Variants in TPP2 observed in about 807,000 individuals in gnomAD.
TPP2 encodes the protein tripeptidyl-peptidase 2.
In TPP2, 34 loss-of-function variants were observed where a neutral mutation model predicts 155.9. The observed-to-expected ratio is 0.22, with a 90% CI of 0.17 to 0.29. The LOEUF (loss-of-function observed/expected upper bound fraction) is 0.29. Among genes scored for constraint, TPP2 ranks in the 10% least tolerant of loss-of-function variants. TPP2 has a pLI of 1.00. For missense variants in TPP2, 1,028 were observed against 1,522.3 expected, an observed-to-expected ratio of 0.68 and a Z score of 5.40; for synonymous variants, 510 against 529.4, an observed-to-expected ratio of 0.96 and a Z score of 0.50.
At chr13:102,616,565 A>G (rs981877155) in intron 4 of TPP2, 65 bp downstream of exon 4, 2 of 1,296,500 alleles carry the variant, frequency 1.5e-6, no homozygotes, top group Non-Finnish European at 2.1e-6. Flanking sequence ...GTTTCTACAG[A>G]ACTAATAGAC....
intron 27 of TPP2, chr13:102,667,720 C>G: frequency 1.0e-6 from 1 of 983,114 alleles, no homozygotes; most frequent in Non-Finnish European, 1.2e-6. Context: ...TAATTTAACC[C>G]AGGTCTGACA....
At chr13:102,629,993 G>T in intron 9 of TPP2, 103 bp from the exon 10 acceptor site, 1 of 880,464 alleles carries the variant, frequency 1.1e-6, no homozygotes, top group Non-Finnish European at 1.8e-6. Flanking sequence ...ATTAGAGAGA[G>T]GACTGGTGTT....
In TPP2 at chr13:102,616,297, T is replaced by C; in HGVS notation, c.391-99T>C. The C allele has an allele frequency of 6.3e-6, 6 of 946,268 alleles. No individual in the cohort carries two copies. In the South Asian group the frequency reaches 1.1e-4, roughly 17 times the overall value. The allele number at this position is 946,268 out of a possible 1,614,324, so 58.6% of individuals were successfully genotyped here. A position where few individuals can be genotyped will look rare whatever the true frequency, so the allele number is the denominator to read the frequency against. ...AAACCTCTCTATGAGAATTGTGTAG[T>C]ATCACAACTGTACCAACAAAGTCCA... is the stretch of plus-strand genomic sequence containing the variant. On this transcript the variant is annotated intron_variant, in intron 3 of 29. Coordinates refer to ENST00000376052, the MANE Select transcript of TPP2 (RefSeq NM_001330588.2).
At chr13:102,609,162 C>T (rs1880072599) in intron 2 of TPP2, among the ~76,000 whole-genome samples, 1 of 152,114 alleles carries the variant, frequency 6.6e-6, no homozygotes, top group South Asian at 2.1e-4. Flanking sequence ...TTTTATGTCT[C>T]ATCCTTTTTG....
At chr13:102,648,823 G>A (rs951343648) in intron 21 of TPP2, 84 bp from the exon 22 acceptor site, 2 of 1,484,794 alleles carry the variant, frequency 1.3e-6, no homozygotes, top group African/African-American at 2.8e-5. Context: ...TCTGTGAATG[G>A]TAACTTTCAC....
rs1880616440 is a variant in TPP2 at position 102,615,087 on chromosome 13, C to G, written c.390+891C>G. 2.6e-5 allele frequency among the ~76,000 whole-genome samples: 4 copies of G among 152,224 alleles called. No homozygotes were observed. In the South Asian group the frequency reaches 8.3e-4, roughly 32 times the overall value. ...GCCTTGCCTCTGTCGTGTTATTTCC[C>G]CAAGGGCCTGTGAAGCATAAGAAGT... On this transcript the variant is annotated intron_variant, in intron 3 of 29. Coordinates refer to ENST00000376052, the MANE Select transcript of TPP2 (RefSeq NM_001330588.2).
In TPP2 at chr13:102,633,944, A is replaced by G. The variant is rs2139499234; in HGVS notation, c.1245-6A>G. On this transcript the variant is annotated splice_region_variant and splice_polypyrimidine_tract_variant and intron_variant, in intron 10 of 29. Coordinates refer to ENST00000376052, the MANE Select transcript of TPP2 (RefSeq NM_001330588.2). ...CCTAAGCAAACTTCAATGGCTTTCC[A>G]TTTAGTGCTGACGGGGCCCTTGGTG... is the stretch of plus-strand genomic sequence containing the variant. The G allele has an allele frequency of 6.2e-7, 1 of 1,613,950 alleles. No homozygotes were observed. Among genetic ancestry groups the G allele is most frequent in the Non-Finnish European group, 8.5e-7 (1 of 1,179,890 alleles).
At chr13:102,646,624 T>A (rs375128476) in intron 20 of TPP2, among the ~76,000 whole-genome samples, 2 of 152,224 alleles carry the variant, frequency 1.3e-5, no homozygotes, top group South Asian at 4.1e-4. Flanking sequence ...AGCCTTAGTT[T>A]ATAAAATCAC....
At chr13:102,626,766 G>A (rs1881653623) in intron 6 of TPP2, 1 of 286,714 alleles carries the variant, frequency 3.5e-6, no homozygotes, top group African/African-American at 2.2e-5. Flanking sequence ...TCAAATGTTT[G>A]AAGGGGGGAT....
At chr13:102,617,686 A>G (rs1425257915) in intron 4 of TPP2, among the ~76,000 whole-genome samples, 1 of 152,220 alleles carries the variant, frequency 6.6e-6, no homozygotes, top group African/African-American at 2.4e-5. Context: ...CTCACACCAC[A>G]CTATTTATAG....
At chr13:102,667,500 A>G (rs1884686110) in intron 27 of TPP2, among the ~76,000 whole-genome samples, 2 of 152,224 alleles carry the variant, frequency 1.3e-5, no homozygotes, top group Non-Finnish European at 2.9e-5. Flanking sequence ...ATAATGAAAT[A>G]CAAGTATTTT....
Position 102,636,365 on chromosome 13 carries a change from A to G in TPP2, c.1651A>G (p.Ile551Val), listed in dbSNP as rs1267627038. The change falls in exon 13 of 30, where the codon ATT becomes GTT. Residue 551 changes from isoleucine (I) to valine (V), a missense_variant. Physicochemically the swap from Ile to Val is conservative, Grantham distance 29 (BLOSUM62 3). Around this residue, in one of 7 missense-constraint regions of TPP2, gnomAD observed 325 missense variants for 463.7 expected, o/e 0.70. Transcript: ENST00000376052. ...VAAPSDHGVG[I>V]EPVFPENTEN... ...TGCACCTTCAGATCATGGCGTTGGC[A>G]TTGAACCTGTATTTCCGGAGAACAC... 7 of 1,613,334 alleles carry G rather than the reference A, an allele frequency of 4.3e-6. No individual in the cohort carries two copies. Among genetic ancestry groups the G allele is most frequent in the Non-Finnish European group, 5.9e-6 (7 of 1,179,750 alleles).
At chr13:102,598,943 T>C (rs1024347300) in intron 1 of TPP2, among the ~76,000 whole-genome samples, 31 of 152,238 alleles carry the variant, frequency 2.0e-4, no homozygotes, top group Non-Finnish European at 4.0e-4. Flanking sequence ...TTCTTTTTTG[T>C]ATATATAATT....
In TPP2 at chr13:102,635,834, A is replaced by G. The variant is rs143319747; in HGVS notation, c.1509+132A>G. On this transcript the variant is annotated intron_variant, in intron 12 of 29. Transcript: ENST00000376052. The stretch of plus-strand genomic sequence containing the variant: ...TTATGGATTATATGGCCATAGAACT[A>G]CAAGCAAAAAGGATACACAAACAAA... 445 of 712,456 alleles carry G rather than the reference A, an allele frequency of 6.2e-4. 7 individuals are homozygous for G. In the East Asian group the frequency reaches 0.011, roughly 18 times the overall value. 44.1% of individuals were successfully genotyped at this position (712,456 alleles called of 1,614,324 possible).
chr13:102,598,294 T>TA (rs2139394670), intron 1 of TPP2, among the ~76,000 whole-genome samples: 1 of 152,272 alleles, frequency 6.6e-6, no homozygotes, highest in South Asian at 2.1e-4. Context: ...CTTTCTACAC[T>TA]AAACACTCAT....
intron 5 of TPP2, among the ~76,000 whole-genome samples, chr13:102,620,525 C>A (rs1432648885): frequency 1.3e-5 from 2 of 152,120 alleles, no homozygotes; most frequent in Non-Finnish European, 2.9e-5. Context: ...GTCCTGTCTG[C>A]AGATGTTCTC....
chr13:102,616,476 T>C lies in TPP2; in HGVS notation c.471T>C (p.Asp157=), dbSNP rs1460726576. The C allele has an allele frequency of 6.2e-7, 1 of 1,612,148 alleles. No homozygotes were observed. The highest frequency in any genetic ancestry group is 8.5e-7 in the Non-Finnish European group (1 of 1,179,000). ...CCTGTAGAAAACAGGAAGAATTTGATGTTGCCAACAACGGCTCTTCTCAAG... is the reference window on the plus strand; with the variant it reads ...CCTGTAGAAAACAGGAAGAATTTGACGTTGCCAACAACGGCTCTTCTCAAG... The part of the protein sequence containing the change: ...AEACRKQEEF[D]VANNGSSQAN... The change falls in exon 4 of 30, where the codon GAT becomes GAC. Residue 157 remains aspartate, a synonymous_variant. Transcript: ENST00000376052.
At chr13:102,676,033 A>AAG (rs1885263013) in intron 28 of TPP2, among the ~76,000 whole-genome samples, 1 of 152,124 alleles carries the variant, frequency 6.6e-6, no homozygotes, top group Non-Finnish European at 1.5e-5. Context: ...CTTGTGCATG[A>AAG]AGAGGTATTT....
At chr13:102,612,750 C>T (rs1303840622) in intron 2 of TPP2, among the ~76,000 whole-genome samples, 5 of 152,074 alleles carry the variant, frequency 3.3e-5, no homozygotes, top group African/African-American at 1.2e-4. Flanking sequence ...ACTTTGATCT[C>T]ATTTATAATT....
Sources: allele counts gnomAD v4.1 joint callset (sites outside exome capture counted in the v4.1 genomes callset), GRCh38; gene constraint gnomAD v4.1.1; regional missense constraint gnomAD v4.1.1; transcripts MANE v1.5; gene names NCBI Gene and HGNC (gene_info 2026-07-23, HGNC 2026-07-21).